Variants in FAT3 observed in about 807,000 individuals in gnomAD.
FAT3 encodes protocadherin Fat 3.
In FAT3, 95 loss-of-function variants were observed where a neutral mutation model predicts 310.2. The observed-to-expected ratio is 0.31, with a 90% CI of 0.26 to 0.36. The LOEUF (loss-of-function observed/expected upper bound fraction) is 0.36. Among genes scored for constraint, FAT3 ranks in the 10% least tolerant of loss-of-function variants. The probability of loss-of-function intolerance (pLI) is 1.00; values close to 1 mark genes in which losing one functional copy is unlikely to be tolerated. For missense variants in FAT3, 5,408 were observed against 5,715.6 expected (o/e 0.95, Z 1.74); for synonymous variants, 2,314 against 2,192.9 (o/e 1.06, Z -1.54).
intron 4 of FAT3, among the ~76,000 whole-genome samples, chr11:92,715,954 G>T (rs1944669309): frequency 6.6e-6 from 1 of 152,066 alleles, no homozygotes. Flanking sequence ...GAGGGAAATT[G>T]AAGTAGTTTC....
intron 3 of FAT3, among the ~76,000 whole-genome samples, chr11:92,589,619 AT>A (rs1313005901): frequency 6.6e-6 from 1 of 152,060 alleles, no homozygotes; most frequent in East Asian, 1.9e-4. Context: ...GATATATCAT[AT>A]TTGCTTTACT....
intron 2 of FAT3, among the ~76,000 whole-genome samples, chr11:92,361,255 A>T (rs186976175): frequency 6.6e-6 from 1 of 152,274 alleles, no homozygotes; most frequent in Admixed American, 6.5e-5. Flanking sequence ...TAAAGTATCT[A>T]TTCAAAACTG....
intron 2 of FAT3, among the ~76,000 whole-genome samples, chr11:92,460,844 A>G (rs1168153231): frequency 6.6e-6 from 1 of 152,194 alleles, no homozygotes; most frequent in Non-Finnish European, 1.5e-5. Context: ...TTGATATAGA[A>G]TGTTTCTCCT....
At chr11:92,822,857 T>C (rs186337552) in intron 13 of FAT3, among the ~76,000 whole-genome samples, 2 of 152,318 alleles carry the variant, frequency 1.3e-5, no homozygotes, top group East Asian at 3.9e-4. Flanking sequence ...CCATTTATCC[T>C]TCTCTGAGTA....
rs1591801816 is a variant in FAT3 at position 92,840,714 on chromosome 11, G to A, written c.10521G>A (p.Val3507=). The A allele has an allele frequency of 6.2e-6, 10 of 1,607,186 alleles. No individual in the cohort carries two copies. The East Asian group carries it at 2.2e-4, about 36-fold the overall frequency. The change falls in exon 18 of 28, where the codon GTG becomes GTA. Residue 3507 remains valine, a synonymous_variant. Coordinates refer to ENST00000525166, the MANE Select transcript of FAT3 (RefSeq NM_001367949.2). ...CTCATGGGATCTTGCGGTCGGCTGT[G>A]GTCTTCCAGCACACAGAGTCTCTGG... ...LDPHGILRSA[V]VFQHTESLEY... is the part of the protein sequence containing the mutation.
chr11:92,780,968 G>T (rs1264278890), intron 7 of FAT3, among the ~76,000 whole-genome samples: 2 of 151,846 alleles, frequency 1.3e-5, no homozygotes, highest in African/African-American at 4.8e-5. Context: ...ACTAGAACAT[G>T]GCTCTTTCAA....
rs1165928194 is a variant in FAT3 at position 92,229,499 on chromosome 11, TTTTTTTTGTTTTTTG to T, written c.-18+4333_-18+4347del. Among the ~76,000 whole-genome samples the T allele has an allele frequency of 8.5e-5, 9 of 106,284 alleles. 2 individuals are homozygous for T. The highest frequency in any genetic ancestry group is 3.1e-4 in the African/African-American group (9 of 28,768). The allele number at this position is 106,284 out of a possible 152,430, so 69.7% of individuals were successfully genotyped here. ...CTTTTTTTGTTTTTTCGTGTTTTTT[TTTTTTTTGTTTTTTG>T]TTTTTTTTTACATTGCCTCCCTTTC... On this transcript the variant is annotated intron_variant, in intron 1 of 27. Coordinates refer to ENST00000525166, the MANE Select transcript of FAT3 (RefSeq NM_001367949.2).
chr11:92,331,003 T>TGAGAGAGAGA (rs67328951), intron 1 of FAT3, among the ~76,000 whole-genome samples: 1 of 133,494 alleles, frequency 7.5e-6, no homozygotes, highest in East Asian at 2.1e-4. Context: ...TGTGTGTGTG[T>TGAGAGAGAGA]GAGAGAGAGA....
chr11:92,874,209 T>C (rs1949468117), intron 22 of FAT3, among the ~76,000 whole-genome samples: 1 of 152,232 alleles, frequency 6.6e-6, no homozygotes, highest in Non-Finnish European at 1.5e-5. Flanking sequence ...TGGTAAATAT[T>C]ATTTGTGATC....
intron 2 of FAT3, among the ~76,000 whole-genome samples, chr11:92,418,390 A>T (rs1565300871): frequency 6.7e-6 from 1 of 149,806 alleles, no homozygotes. Flanking sequence ...TTACAACAAC[A>T]GCAACAAACT....
At chr11:92,881,985 A>G (rs1039219744) in intron 23 of FAT3, among the ~76,000 whole-genome samples, 3 of 152,140 alleles carry the variant, frequency 2.0e-5, no homozygotes, top group Non-Finnish European at 4.4e-5. Context: ...GGGACCAAAA[A>G]TTACTGTAGC....
intron 3 of FAT3, among the ~76,000 whole-genome samples, chr11:92,564,587 T>C (rs190332296): frequency 0.015 from 2,281 of 152,094 alleles, 64 homozygotes; most frequent in African/African-American, 0.052. Flanking sequence ...AATATACATT[T>C]TTTTCAGCAC....
intron 2 of FAT3, among the ~76,000 whole-genome samples, chr11:92,393,604 G>A (rs11019945): frequency 0.077 from 11,742 of 152,104 alleles, 657 homozygotes; most frequent in African/African-American, 0.15. Context: ...GGAGGGGATG[G>A]GATGTTTTGC....
At chr11:92,346,437 A>G (rs1471518477) in intron 1 of FAT3, among the ~76,000 whole-genome samples, 1 of 152,286 alleles carries the variant, frequency 6.6e-6, no homozygotes, top group East Asian at 1.9e-4. Context: ...GTCACCATGC[A>G]CAGGACCTCT....
chr11:92,819,382 G>T (rs1364030415), intron 13 of FAT3, among the ~76,000 whole-genome samples: 1 of 152,206 alleles, frequency 6.6e-6, no homozygotes, highest in Non-Finnish European at 1.5e-5. Flanking sequence ...TGAACAGATT[G>T]CTGGGTCCCT....
At chr11:92,462,081 T>G (rs988806644) in intron 2 of FAT3, among the ~76,000 whole-genome samples, 11 of 152,210 alleles carry the variant, frequency 7.2e-5, no homozygotes, top group Admixed American at 1.3e-4. Flanking sequence ...CAGTTACTTC[T>G]CTGTCTCCTT....
Position 92,801,135 on chromosome 11 carries a change from T to C in FAT3, c.8122T>C (p.Phe2708Leu), listed in dbSNP as rs1213287646. 2 of 1,614,006 alleles carry C rather than the reference T, an allele frequency of 1.2e-6. No individual in the cohort carries two copies. Among genetic ancestry groups the C allele is most frequent in the South Asian group, 2.2e-5 (2 of 91,082 alleles). The change falls in exon 10 of 28, where the codon TTC (phenylalanine) becomes CTC (leucine). Residue 2708 changes from phenylalanine (F) to leucine (L), a missense_variant. Phe to Leu is a conservative substitution (Grantham distance 22). Coordinates refer to ENST00000525166, the MANE Select transcript of FAT3 (RefSeq NM_001367949.2). ...VLPPETFLPS[F>L]TQSQYSFTIA... ...GCCCCCTGAAACGTTCTTGCCATCA[T>C]TCACCCAGTCTCAGTATTCCTTTAC...
chr11:92,514,507 G>C (rs970631113), intron 2 of FAT3, among the ~76,000 whole-genome samples: 1 of 152,150 alleles, frequency 6.6e-6, no homozygotes, highest in Non-Finnish European at 1.5e-5. Flanking sequence ...ATACATTGCT[G>C]TCTGGGATAT....
At chr11:92,584,853 ATGAT>A (rs2135543481) in intron 3 of FAT3, among the ~76,000 whole-genome samples, 1 of 152,164 alleles carries the variant, frequency 6.6e-6, no homozygotes, top group South Asian at 2.1e-4. Context: ...TTTAAAAAGA[ATGAT>A]TGGTAGAAAA....
Sources: allele counts gnomAD v4.1 joint callset (sites outside exome capture counted in the v4.1 genomes callset), GRCh38; gene constraint gnomAD v4.1.1; transcripts MANE v1.5; gene names NCBI Gene and HGNC (gene_info 2026-07-23, HGNC 2026-07-21).